TMEM256: variants seen among roughly 807,000 people sequenced by gnomAD.
TMEM256 encodes the protein UPF0451 protein C17orf61.
Under a neutral mutation model 14.8 loss-of-function variants are expected in TMEM256, and 14 were observed. The observed-to-expected ratio is 0.95, with a 90% CI of 0.63 to 1.48. The LOEUF (loss-of-function observed/expected upper bound fraction) is 1.48. TMEM256 is among the 40% of genes most tolerant of loss of function. The pLI is 0.00. For synonymous variants in TMEM256, 68 were observed against 60.7 expected (o/e 1.12, Z -0.56); for missense variants, 146 against 137.9 (o/e 1.06, Z -0.30).
intron 1 of TMEM256, 96 bp from the exon 2 acceptor site, chr17:7,403,785 C>CCA: frequency 6.4e-6 from 1 of 155,508 alleles, no homozygotes; most frequent in Non-Finnish European, 8.5e-6. Flanking sequence ...AGAAAGGGCA[C>CCA]CCCCCCCCCC....
In TMEM256 at chr17:7,403,660, C is replaced by G. The variant is rs1906438962; in HGVS notation, c.115G>C (p.Glu39Gln). Reference sequence around the variant, plus strand: ...GAGCCCCAGCGCAGTTACTTCACCTCCTTCCCGTAGGCATCTGGGAATTGG... The same window carrying G: ...GAGCCCCAGCGCAGTTACTTCACCTGCTTCCCGTAGGCATCTGGGAATTGG... ...GAQFPDAYGK[E>Q]LFDKANKHHF... is the part of the protein sequence containing the mutation. Residue 39 changes from glutamate (E) to glutamine (Q), a missense_variant and splice_region_variant, in exon 2 of 4, where the codon GAG (glutamate) becomes CAG (glutamine). Physicochemically the swap from Glu to Gln is conservative, Grantham distance 29. Coordinates refer to ENST00000302422, the MANE Select transcript of TMEM256 (RefSeq NM_152766.5). 3.1e-6 allele frequency: 5 copies of G among 1,613,976 alleles called. No homozygotes were observed. Among genetic ancestry groups the G allele is most frequent in the Non-Finnish European group, 4.2e-6 (5 of 1,180,018 alleles).
At chr17:7,403,948 A>T in intron 1 of TMEM256, 52 bp downstream of exon 1, 1 of 1,496,980 alleles carries the variant, frequency 6.7e-7, no homozygotes, top group Non-Finnish European at 9.0e-7. Flanking sequence ...CTTGCAGCAG[A>T]CCCCAGAGGA....
Position 7,403,994 on chromosome 17 carries a change from C to T in TMEM256, c.85+6G>A, listed in dbSNP as rs765837485. 1.3e-6 allele frequency: 2 copies of T among 1,582,890 alleles called. No individual in the cohort carries two copies. The highest frequency in any genetic ancestry group is 1.7e-6 in the Non-Finnish European group (2 of 1,163,286). ...ACAGTCCCATCTTCGTCCCCAGCCC[C>T]CTGACCGTGCGCCCCGTAGGAAGCG... On this transcript the variant is annotated splice_donor_region_variant and intron_variant, in intron 1 of 3. Coordinates refer to ENST00000302422, the MANE Select transcript of TMEM256 (RefSeq NM_152766.5).
rs1555547237 is a variant in TMEM256 at position 7,403,330 on chromosome 17, G to A, written c.178C>T (p.His60Tyr). The A allele has an allele frequency of 6.2e-7, 1 of 1,614,198 alleles. No individual in the cohort carries two copies. The highest frequency in any genetic ancestry group is 1.7e-5 in the Admixed American group (1 of 60,024). The change falls in exon 3 of 4, where the codon CAT becomes TAT. Residue 60 changes from histidine (H) to tyrosine (Y), a missense_variant. Transcript: ENST00000302422. ...LHSLALLGVP[H>Y]CRKPLWAGLL... is the part of the protein sequence containing the mutation. ...ATTACCCAGAGTGGCTTTCTGCAAT[G>A]GGGCACCCCTAACAGGGCCAGGCTG...
intron 1 of TMEM256, 100 bp from the exon 2 acceptor site, chr17:7,403,789 C>T (rs903059425): frequency 8.8e-6 from 9 of 1,025,276 alleles, no homozygotes; most frequent in South Asian, 7.0e-5. Flanking sequence ...AGGGCACCCC[C>T]CCCCCCGCCC....
Position 7,403,863 on chromosome 17 carries a change from G to A in TMEM256, c.85+137C>T. 4 of 1,299,440 alleles carry A rather than the reference G, an allele frequency of 3.1e-6. No individual in the cohort carries two copies. The Admixed American group carries it at 7.7e-5, about 25-fold the overall frequency. 80.5% of individuals were successfully genotyped at this position (1,299,440 alleles called of 1,614,324 possible). A position where few individuals can be genotyped will look rare whatever the true frequency, so the allele number is the denominator to read the frequency against. On this transcript the variant is annotated intron_variant, in intron 1 of 3. Transcript: ENST00000302422. ...ACTGGGAACCAATTGGACCCAGCTGGGGGACTTTAAAAGGTTTAGGGCTCC... is the reference window on the plus strand; with the variant it reads ...ACTGGGAACCAATTGGACCCAGCTGAGGGACTTTAAAAGGTTTAGGGCTCC...
Position 7,403,335 on chromosome 17 carries a change from A to AC in TMEM256, c.172dup (p.Val58GlyfsTer?), listed in dbSNP as rs1204919861. Reference sequence around the variant, plus strand: ...CCAGAGTGGCTTTCTGCAATGGGGCACCCCTAACAGGGCCAGGCTGTGTAA... The same window carrying AC: ...CCAGAGTGGCTTTCTGCAATGGGGCACCCCCTAACAGGGCCAGGCTGTGTAA... On this transcript the variant is annotated frameshift_variant, in exon 3 of 4. Coordinates refer to ENST00000302422, the MANE Select transcript of TMEM256 (RefSeq NM_152766.5). LOFTEE classifies it high-confidence loss of function. 3 of 1,614,162 alleles carry AC rather than the reference A, an allele frequency of 1.9e-6. No individual in the cohort carries two copies. The highest frequency in any genetic ancestry group is 4.5e-5 in the East Asian group (2 of 44,886).
chr17:7,403,935 G>A, intron 1 of TMEM256, 65 bp downstream of exon 1: 1 of 1,475,540 alleles, frequency 6.8e-7, no homozygotes, highest in Non-Finnish European at 9.1e-7. Flanking sequence ...CATAGGTTAC[G>A]CCCTTGCAGC....
chr17:7,403,784 A>ACCCCCCCCCCCCCCCCCCC (rs56134360), intron 1 of TMEM256, 95 bp from the exon 2 acceptor site: 3 of 897,182 alleles, frequency 3.3e-6, no homozygotes, highest in African/African-American at 4.9e-5. Flanking sequence ...GAGAAAGGGC[A>ACCCCCCCCCCCCCCCCCCC]CCCCCCCCCC....
In TMEM256 at chr17:7,403,692, G is replaced by A. The variant is rs1186594016; in HGVS notation, c.86-3C>T. The A allele has an allele frequency of 1.9e-6, 3 of 1,612,830 alleles. No homozygotes were observed. The highest frequency in any genetic ancestry group is 2.5e-6 in the Non-Finnish European group (3 of 1,179,938). ...GTAGGCATCTGGGAATTGGGCGCCT[G>A]TGGAGAAAAGAAGCAAAGGTTAGCG... On this transcript the variant is annotated splice_region_variant and splice_polypyrimidine_tract_variant and intron_variant, in intron 1 of 3. Coordinates refer to ENST00000302422, the MANE Select transcript of TMEM256 (RefSeq NM_152766.5).
intron 2 of TMEM256, 86 bp downstream of exon 2, chr17:7,403,572 C>CAA: frequency 2.6e-6 from 4 of 1,558,376 alleles, no homozygotes; most frequent in Non-Finnish European, 3.5e-6. Flanking sequence ...TCGCCCCACC[C>CAA]TCTCCCCGCC....
At chr17:7,403,783 C>G in intron 1 of TMEM256, 94 bp from the exon 2 acceptor site, 1 of 1,164,058 alleles carries the variant, frequency 8.6e-7, no homozygotes, top group Non-Finnish European at 1.1e-6. Context: ...CGAGAAAGGG[C>G]ACCCCCCCCC....
Position 7,403,207 on chromosome 17 carries a change from A to C in TMEM256, c.201T>G (p.Ala67=). Residue 67 remains alanine (A), a splice_region_variant and synonymous_variant, in exon 4 of 4, where the codon GCT becomes GCG. Transcript: ENST00000302422. ...TCGTTCCGGAAGCTAGCAATAACCC[A>C]GCCTGAAGGAGACACAGCACAGAAA... ...GVPHCRKPLW[A]GLLLASGTTL... 1 of 1,614,188 alleles carries C rather than the reference A, an allele frequency of 6.2e-7. No individual in the cohort carries two copies. Among genetic ancestry groups the C allele is most frequent in the Non-Finnish European group, 8.5e-7 (1 of 1,180,016 alleles).
At chr17:7,403,975 C>A (rs1313818535) in intron 1 of TMEM256, 25 bp downstream of exon 1, 1 of 1,555,600 alleles carries the variant, frequency 6.4e-7, no homozygotes, top group Non-Finnish European at 8.7e-7. Flanking sequence ...AAGTACAGTC[C>A]CATCTTCGTC....
intron 1 of TMEM256, 115 bp downstream of exon 1, chr17:7,403,885 C>T (rs1460395130): frequency 7.5e-7 from 1 of 1,339,950 alleles, no homozygotes; most frequent in Non-Finnish European, 1.0e-6. Flanking sequence ...AGGTTTAGGG[C>T]TCCGCGGACT....
chr17:7,403,006 T>C lies in TMEM256; in HGVS notation c.*60A>G. On this transcript the variant is annotated 3_prime_UTR_variant, in exon 4 of 4. Coordinates refer to ENST00000302422, the MANE Select transcript of TMEM256 (RefSeq NM_152766.5). ...TGCCTTTCCTTTTTAATCCTCTTCT[T>C]ACTCCAACTCTTTAAAAAAAAAACT... The C allele has an allele frequency of 1.3e-6, 2 of 1,552,566 alleles. No individual in the cohort carries two copies. The highest frequency in any genetic ancestry group is 1.7e-6 in the Non-Finnish European group (2 of 1,155,800).
intron 1 of TMEM256, 104 bp from the exon 2 acceptor site, chr17:7,403,793 C>T (rs1261111163): frequency 9.4e-7 from 1 of 1,061,330 alleles, no homozygotes; most frequent in South Asian, 1.4e-5. Flanking sequence ...CACCCCCCCC[C>T]CCGCCCCAGG....
intron 1 of TMEM256, 64 bp from the exon 2 acceptor site, chr17:7,403,753 G>A (rs1597702510): frequency 3.2e-6 from 5 of 1,584,390 alleles, no homozygotes; most frequent in South Asian, 1.1e-5. Flanking sequence ...CCAATCCGGG[G>A]GGACCCAGGT....
intron 2 of TMEM256, 118 bp downstream of exon 2, chr17:7,403,540 T>C (rs1906428156): frequency 6.5e-7 from 1 of 1,538,388 alleles, no homozygotes; most frequent in African/African-American, 1.4e-5. Context: ...CTTTGGCCTT[T>C]GCTGCTCCAG....
Sources: allele counts gnomAD v4.1 joint callset, GRCh38; gene constraint gnomAD v4.1.1; transcripts MANE v1.5; gene names NCBI Gene and HGNC (gene_info 2026-07-23, HGNC 2026-07-21).